TRHDE: variants seen among roughly 807,000 people sequenced by gnomAD.
The protein encoded by TRHDE is thyrotropin-releasing hormone-degrading ectoenzyme.
A neutral mutation model predicts 125.7 loss-of-function variants in TRHDE; 72 were observed. The ratio of observed to expected loss-of-function variants is 0.57; its 90% CI spans 0.47 to 0.70. The LOEUF (loss-of-function observed/expected upper bound fraction) is 0.70. TRHDE is among the 30% of genes least tolerant of loss of function. TRHDE has a pLI of 0.00. For synonymous variants in TRHDE, 509 were observed against 509.1 expected (o/e 1.00, Z 0.00); for missense variants, 1,110 against 1,327.1 (o/e 0.84, Z 2.54).
chr12:72,568,681 G>A (rs758495708), intron 10 of TRHDE, 25 bp downstream of exon 10: 3 of 1,505,358 alleles, frequency 2.0e-6, no homozygotes. Context: ...CTCCCCTGAG[G>A]AAGTATCTGG....
intron 16 of TRHDE, 133 bp from the exon 17 acceptor site, chr12:72,652,877 TTATAAG>T: frequency 3.8e-6 from 2 of 520,438 alleles, no homozygotes; most frequent in Non-Finnish European, 6.3e-6. Context: ...TGTGTTCTAT[TTATAAG>T]TTTGCATTAT....
rs140067665 is a variant in TRHDE at position 72,260,466 on chromosome 12, G to T, written n.280-117529G>T. 1.6e-3 allele frequency among the ~76,000 whole-genome samples: 244 copies of T among 152,258 alleles called. 2 individuals carry two copies. Among genetic ancestry groups the T allele is most frequent in the African/African-American group, 5.7e-3 (237 of 41,564 alleles). On this transcript the variant is annotated intron_variant and non_coding_transcript_variant, in intron 2 of 4. Transcript: ENST00000548156. ...CTTGACTGTGGGACCAACTCCAATA[G>T]AGTGGCTCACTGGGAGCAACTGGAC...
At chr12:72,542,398 T>C (rs1042342984) in intron 7 of TRHDE, 42 bp downstream of exon 7, 3 of 1,526,808 alleles carry the variant, frequency 2.0e-6, no homozygotes, top group East Asian at 2.3e-5. Flanking sequence ...TTTTTCCTTG[T>C]CAATATATTT....
At chr12:72,617,037 A>G (rs900986132) in intron 12 of TRHDE, among the ~76,000 whole-genome samples, 27 of 152,222 alleles carry the variant, frequency 1.8e-4, no homozygotes, top group African/African-American at 5.1e-4. Context: ...TTCACTTATT[A>G]TTGGGATGTT....
At chr12:72,141,350 C>G (rs1470622023) in intron 2 of TRHDE, among the ~76,000 whole-genome samples, 2 of 152,114 alleles carry the variant, frequency 1.3e-5, no homozygotes, top group Non-Finnish European at 2.9e-5. Flanking sequence ...TCTTAGTTTA[C>G]CAGGGACTCA....
chr12:72,310,152 A>G (rs1447469747), intron 2 of TRHDE, among the ~76,000 whole-genome samples: 1 of 152,138 alleles, frequency 6.6e-6, no homozygotes. Context: ...TGGATTTTCT[A>G]GCTGTGTGAT....
chr12:72,670,702 AAAC>A lies in TRHDE; in HGVS notation c.*7510_*7512del, dbSNP rs1042833201. On this transcript the variant is annotated 3_prime_UTR_variant, in exon 19 of 19. Transcript: ENST00000261180. ...TATTTGTGCTATATTGTAAAAATAAAAACAATTTGTTCTCCTTTCTAATTATAT... is the reference window on the plus strand; with the variant it reads ...TATTTGTGCTATATTGTAAAAATAAAAATTTGTTCTCCTTTCTAATTATAT... 1 of 151,798 alleles carries A rather than the reference AAAC, an allele frequency of 6.6e-6. No individual in the cohort carries two copies. Among genetic ancestry groups the A allele is most frequent in the Non-Finnish European group, 1.5e-5 (1 of 67,840 alleles). The allele number at this position is 151,798 out of a possible 1,614,324, so 9.4% of individuals were successfully genotyped here.
At chr12:72,511,407 G>A (rs1878575503) in intron 6 of TRHDE, among the ~76,000 whole-genome samples, 1 of 152,044 alleles carries the variant, frequency 6.6e-6, no homozygotes, top group Admixed American at 6.6e-5. Context: ...ATTCCCATCT[G>A]TCTCTGAGTG....
chr12:72,639,322 C>T (rs1873924492), intron 15 of TRHDE, among the ~76,000 whole-genome samples: 1 of 151,118 alleles, frequency 6.6e-6, no homozygotes, highest in Non-Finnish European at 1.5e-5. Flanking sequence ...CTGCATTCTT[C>T]ACGTAGTTCT....
chr12:72,475,642 A>G (rs1464588795), intron 5 of TRHDE, among the ~76,000 whole-genome samples: 1 of 152,216 alleles, frequency 6.6e-6, no homozygotes, highest in Admixed American at 6.5e-5. Context: ...AAATGAACAC[A>G]GAGTGTAAAT....
intron 5 of TRHDE, among the ~76,000 whole-genome samples, chr12:72,490,196 A>C (rs544902716): frequency 2.8e-4 from 43 of 152,014 alleles, no homozygotes; most frequent in South Asian, 6.2e-4. Flanking sequence ...TGTCTCCAAA[A>C]GAGACATAAA....
At chr12:72,249,385 T>G (rs535220602) in intron 2 of TRHDE, among the ~76,000 whole-genome samples, 2 of 152,196 alleles carry the variant, frequency 1.3e-5, no homozygotes, top group East Asian at 3.9e-4. Context: ...TTAGCATAAC[T>G]TCACAAAAGA....
chr12:72,227,163 A>G (rs1878145131), intron 2 of TRHDE, among the ~76,000 whole-genome samples: 2 of 152,192 alleles, frequency 1.3e-5, no homozygotes, highest in South Asian at 4.1e-4. Flanking sequence ...CAGAGTAGAT[A>G]TTAAGAAAAA....
At chr12:72,634,632 C>T (rs1873645536) in intron 15 of TRHDE, among the ~76,000 whole-genome samples, 1 of 150,904 alleles carries the variant, frequency 6.6e-6, no homozygotes, top group Non-Finnish European at 1.5e-5. Context: ...GGTATATCTC[C>T]CAGTGCTATC....
At chr12:72,400,546 C>A (rs1231185768) in intron 3 of TRHDE, among the ~76,000 whole-genome samples, 3 of 152,096 alleles carry the variant, frequency 2.0e-5, no homozygotes, top group Admixed American at 1.3e-4. Context: ...TATTCTCAAA[C>A]CTTGGGAGAG....
chr12:72,346,995 T>G (rs1870354802), intron 2 of TRHDE, among the ~76,000 whole-genome samples: 1 of 152,098 alleles, frequency 6.6e-6, no homozygotes, highest in African/African-American at 2.4e-5. Flanking sequence ...TGGTGTTCTC[T>G]GTGTGTATGT....
chr12:72,634,502 T>G (rs555885838), intron 15 of TRHDE, among the ~76,000 whole-genome samples: 2 of 152,074 alleles, frequency 1.3e-5, no homozygotes, highest in East Asian at 3.9e-4. Context: ...TTTTAATTGT[T>G]AATTTATTAT....
intron 2 of TRHDE, among the ~76,000 whole-genome samples, chr12:72,172,864 G>T (rs1876902880): frequency 6.6e-6 from 1 of 152,048 alleles, no homozygotes; most frequent in Non-Finnish European, 1.5e-5. Context: ...GTTTAATGTT[G>T]GTTTTACTCA....
At chr12:72,341,137 T>C (rs1038935746) in intron 2 of TRHDE, among the ~76,000 whole-genome samples, 1 of 151,982 alleles carries the variant, frequency 6.6e-6, no homozygotes, top group Admixed American at 6.6e-5. Context: ...CTTCAGTTTT[T>C]TTTTTTTTAA....
Sources: gnomAD v4.1 joint callset for allele counts (sites outside exome capture counted in the v4.1 genomes callset) on GRCh38, gnomAD v4.1.1 for gene constraint, MANE v1.5 for transcripts, NCBI Gene and HGNC (gene_info 2026-07-23, HGNC 2026-07-21) for gene names.